MBTD1: variants seen among roughly 807,000 people sequenced by gnomAD.
MBTD1 encodes the protein MBT domain-containing protein 1.
In MBTD1, 24 loss-of-function variants were observed where a neutral mutation model predicts 87.8. The observed-to-expected ratio is 0.27, with a 90% CI of 0.20 to 0.38. The LOEUF (loss-of-function observed/expected upper bound fraction) is 0.38, where lower values mean the gene tolerates loss of function less well. MBTD1 is among the 10% of genes least tolerant of loss of function. The probability of loss-of-function intolerance (pLI) is 1.00; values close to 1 mark genes in which losing one functional copy is unlikely to be tolerated. For missense variants in MBTD1, 436 were observed against 760.2 expected, an observed-to-expected ratio of 0.57 and a Z score of 5.02; for synonymous variants, 237 against 248.6, an observed-to-expected ratio of 0.95 and a Z score of 0.44.
intron 5 of MBTD1, 71 bp downstream of exon 5, chr17:51,218,859 A>ACAATGTCATTAATTAAAACTAAAT: frequency 2.2e-6 from 2 of 916,266 alleles, no homozygotes; most frequent in Non-Finnish European, 3.5e-6. Context: ...ATTCAAAATT[A>ACAATGTCATTAATTAAAACTAAAT]CAATGTCATT....
At chr17:51,201,134 A>T (rs1359039434) in intron 12 of MBTD1, among the ~76,000 whole-genome samples, 1 of 152,172 alleles carries the variant, frequency 6.6e-6, no homozygotes, top group East Asian at 1.9e-4. Context: ...CTCAAAAAAA[A>T]ATGAACAAAC....
intron 1 of MBTD1, 42 bp from the exon 2 acceptor site, chr17:51,259,248 G>A (rs1399328596): frequency 1.6e-6 from 2 of 1,231,290 alleles, no homozygotes; most frequent in Admixed American, 4.2e-5. Context: ...AGAACGCAAT[G>A]GTCACAGAAG....
chr17:51,214,139 T>TACACATACACAC (rs71149354), intron 6 of MBTD1, among the ~76,000 whole-genome samples: 9 of 151,382 alleles, frequency 5.9e-5, no homozygotes, highest in Non-Finnish European at 8.9e-5. Flanking sequence ...CACATACACA[T>TACACATACACAC]ACACTTTTGT....
chr17:51,225,173 C>A lies in MBTD1; in HGVS notation c.-12G>T. 1 of 1,537,386 alleles carries A rather than the reference C, an allele frequency of 6.5e-7. No individual in the cohort carries two copies. Among genetic ancestry groups the A allele is most frequent in the Non-Finnish European group, 8.8e-7 (1 of 1,140,980 alleles). ...TAACCGTCAAACATCCCGAAAGAAT[C>A]TCTTCTTTTCCTTTCAGATCGTGAA... On this transcript the variant is annotated 5_prime_UTR_variant, in exon 3 of 17. Coordinates refer to ENST00000586178, the MANE Select transcript of MBTD1 (RefSeq NM_017643.3).
chr17:51,253,616 AC>A (rs2054921347), intron 2 of MBTD1, among the ~76,000 whole-genome samples: 1 of 152,204 alleles, frequency 6.6e-6, no homozygotes, highest in East Asian at 1.9e-4. Context: ...GAGTAGCTAA[AC>A]TTTTAGCAGG....
At chr17:51,203,439 G>C (rs1325008590) in intron 8 of MBTD1, among the ~76,000 whole-genome samples, 3 of 151,854 alleles carry the variant, frequency 2.0e-5, no homozygotes, top group Admixed American at 2.0e-4. Flanking sequence ...TTTTGAGATG[G>C]AGTCTCGCTC....
At chr17:51,234,708 T>C (rs192426999) in intron 2 of MBTD1, among the ~76,000 whole-genome samples, 106 of 152,358 alleles carry the variant, frequency 7.0e-4, no homozygotes, top group Middle Eastern at 3.4e-3. Context: ...CTTTTTGTTT[T>C]TTGAGACGAA....
chr17:51,207,092 AG>A, intron 6 of MBTD1, 87 bp from the exon 7 acceptor site: 5 of 630,534 alleles, frequency 7.9e-6, no homozygotes, highest in Admixed American at 5.7e-5. Flanking sequence ...CATCAATAAT[AG>A]GAATATTAAA....
intron 2 of MBTD1, among the ~76,000 whole-genome samples, chr17:51,252,415 G>T (rs1488119774): frequency 1.3e-5 from 2 of 152,030 alleles, no homozygotes; most frequent in African/African-American, 4.8e-5. Flanking sequence ...GTGCCTTCAT[G>T]AACATTTTGC....
At chr17:51,190,750 A>AAAAAAAAATAT (rs1555677185) in intron 16 of MBTD1, among the ~76,000 whole-genome samples, 1 of 39,718 alleles carries the variant, frequency 2.5e-5, no homozygotes, top group Non-Finnish European at 4.1e-5. Flanking sequence ...AAAAAAAAAA[A>AAAAAAAAATAT]ATATATATAT....
chr17:51,193,323 C>CCA, intron 14 of MBTD1, 105 bp downstream of exon 14: 1 of 729,132 alleles, frequency 1.4e-6, no homozygotes, highest in East Asian at 2.7e-5. Flanking sequence ...TATTATATCT[C>CCA]CACTAAGAAA....
At chr17:51,184,973 A>T (rs1017202884) in intron 16 of MBTD1, 1 of 152,218 alleles carries the variant, frequency 6.6e-6, no homozygotes, top group Admixed American at 6.5e-5. Flanking sequence ...CATCACAGTG[A>T]TCTTCAGAGA....
In MBTD1 at chr17:51,179,508, A is replaced by ATATATATATATATATATT. The variant is rs2050220394; in HGVS notation, c.*1067_*1068insAATATATATATATATATA. ...TTTATATATATATATATATATATAT[A>ATATATATATATATATATT]TATATATATATATATATATATATAT... On this transcript the variant is annotated 3_prime_UTR_variant, in exon 17 of 17. Coordinates refer to ENST00000586178, the MANE Select transcript of MBTD1 (RefSeq NM_017643.3). The ATATATATATATATATATT allele has an allele frequency of 1.2e-5, 1 of 83,816 alleles. No individual in the cohort carries two copies. The highest frequency in any genetic ancestry group is 1.2e-4 in the Admixed American group (1 of 8,238). The allele number at this position is 83,816 out of a possible 1,614,324, so 5.2% of individuals were successfully genotyped here.
In MBTD1 at chr17:51,220,946, T is replaced by C. The variant is rs556943861; in HGVS notation, c.155-483A>G. On this transcript the variant is annotated intron_variant, in intron 3 of 16. Transcript: ENST00000586178. ...ACTTGGAAAAATGCTAAGAGCTGTATGAGGATTCCTTCAAGTTATGTTTAG... is the reference window on the plus strand; with the variant it reads ...ACTTGGAAAAATGCTAAGAGCTGTACGAGGATTCCTTCAAGTTATGTTTAG... Among the ~76,000 whole-genome samples, 324 of 152,246 alleles carry C rather than the reference T, an allele frequency of 2.1e-3. 2 individuals carry two copies. The highest frequency in any genetic ancestry group is 6.8e-3 in the African/African-American group (284 of 41,542).
intron 16 of MBTD1, among the ~76,000 whole-genome samples, chr17:51,190,771 A>ATATATATATATATATATATATATAT (rs1555677217): frequency 7.5e-6 from 1 of 133,680 alleles, no homozygotes; most frequent in African/African-American, 3.1e-5. Context: ...ATATATATAT[A>ATATATATATATATATATATATATAT]ACCTTATCTA....
At position 51,202,767 on chromosome 17, in the gene MBTD1, T is replaced by C. The variant is rs772078502; in HGVS notation, c.997A>G (p.Met333Val). The C allele has an allele frequency of 3.2e-5, 51 of 1,614,188 alleles. 1 individual carries two copies. The highest frequency in any genetic ancestry group is 1.1e-4 in the South Asian group (10 of 91,088). ...EDRTDDFWCH[M>V]HSPLIHHIGW... is the part of the protein sequence containing the mutation. ...ATATGATGTATTAATGGGCTGTGCA[T>C]ATGGCACCAGAAGTCATCTGTTCTA... Residue 333 changes from methionine (M) to valine (V), a missense_variant, in exon 10 of 17, where the codon ATG (methionine) becomes GTG (valine). Met to Val is a conservative substitution (Grantham distance 21). Coordinates refer to ENST00000586178, the MANE Select transcript of MBTD1 (RefSeq NM_017643.3).
chr17:51,260,537 C>T (rs1026465038), upstream of MBTD1: 15 of 1,564,228 alleles, frequency 9.6e-6, no homozygotes, highest in African/African-American at 1.4e-5. Context: ...TGGGCGCATG[C>T]GCAGCGAGGT....
chr17:51,197,095 T>C lies in MBTD1; in HGVS notation c.1225-1734A>G, dbSNP rs375835459. Among the ~76,000 whole-genome samples the C allele has an allele frequency of 7.9e-4, 12 of 15,190 alleles. 1 individual carries two copies. In the Middle Eastern group the frequency reaches 0.088, roughly 112 times the overall value. The allele number at this position is 15,190 out of a possible 152,430, so 10.0% of individuals were successfully genotyped here. On this transcript the variant is annotated intron_variant, in intron 12 of 16. Transcript: ENST00000586178. ...ATATATATATATATATATATATATA[T>C]ATATATATATATATATATATATGGA... is the stretch of plus-strand genomic sequence containing the variant.
At chr17:51,181,283 C>T (rs973712063) in intron 16 of MBTD1, among the ~76,000 whole-genome samples, 1 of 152,042 alleles carries the variant, frequency 6.6e-6, no homozygotes, top group African/African-American at 2.4e-5. Flanking sequence ...CCTCAGCCTC[C>T]CAAAGTGCTG....
Sources: allele counts gnomAD v4.1 joint callset (sites outside exome capture counted in the v4.1 genomes callset), GRCh38; gene constraint gnomAD v4.1.1; transcripts MANE v1.5; gene names NCBI Gene and HGNC (gene_info 2026-07-23, HGNC 2026-07-21).